The following PKP2 variants were observed in gnomAD, a reference collection of about 807,000 sequenced individuals.
PKP2 encodes the protein plakophilin 2.
PKP2 carries 73 observed loss-of-function variants against 83.4 expected under a neutral mutation model. That is an observed-to-expected ratio of 0.88 (90% CI 0.72 to 1.06). PKP2 has a LOEUF of 1.06. PKP2 is among the 50% of genes least tolerant of loss of function. The probability of loss-of-function intolerance (pLI) is 0.00; values close to 1 mark genes in which losing one functional copy is unlikely to be tolerated. For synonymous variants in PKP2, 409 were observed against 430.4 expected (o/e 0.95, Z 0.62); for missense variants, 966 against 1,065.4 (o/e 0.91, Z 1.30).
intron 1 of PKP2, among the ~76,000 whole-genome samples, chr12:32,890,884 C>T (rs754610487): frequency 6.7e-6 from 1 of 148,514 alleles, no homozygotes; most frequent in East Asian, 2.0e-4. Flanking sequence ...CGCTTGAACT[C>T]GGGAGGCAGA....
chr12:32,854,233 T>C (rs1956725832), intron 4 of PKP2, among the ~76,000 whole-genome samples: 1 of 152,216 alleles, frequency 6.6e-6, no homozygotes, highest in South Asian at 2.1e-4. Flanking sequence ...AGCTCAGACC[T>C]GCTCCCTTAC....
chr12:32,799,715 T>C (rs1362084099), intron 10 of PKP2, among the ~76,000 whole-genome samples: 2 of 152,174 alleles, frequency 1.3e-5, no homozygotes, highest in African/African-American at 2.4e-5. Flanking sequence ...TTCTCACTTA[T>C]AAGTGAGAGC....
At chr12:32,863,418 G>C in intron 4 of PKP2, 1 of 239,294 alleles carries the variant, frequency 4.2e-6, no homozygotes, top group Non-Finnish European at 8.7e-6. Flanking sequence ...GAGTGATGCT[G>C]TACCCCTCAA....
chr12:32,852,430 T>G (rs1956707990), intron 4 of PKP2, among the ~76,000 whole-genome samples: 1 of 152,090 alleles, frequency 6.6e-6, no homozygotes, highest in Non-Finnish European at 1.5e-5. Flanking sequence ...GAGAAAAGAC[T>G]AGAAAGGCGG....
chr12:32,803,253 G>A (rs554694786), intron 9 of PKP2, among the ~76,000 whole-genome samples: 162 of 151,998 alleles, frequency 1.1e-3, no homozygotes, highest in Non-Finnish European at 1.7e-3. Context: ...CGTGCCTGTA[G>A]TCCCAGCTAC....
rs1369346491 is a variant in PKP2, at chr12:32,870,528, T to C, written c.1035-1466A>G. Among the ~76,000 whole-genome samples, 3 of 151,728 alleles carry C rather than the reference T, an allele frequency of 2.0e-5. No individual in the cohort carries two copies. The East Asian group carries it at 5.8e-4, about 29-fold the overall frequency. ...TCAATTATAATTAGTAAAAAAAAAA[T>C]GCAGGCTATTACCACTAAAACTAGA... On this transcript the variant is annotated intron_variant, in intron 3 of 12. Coordinates refer to ENST00000340811, the MANE Select transcript of PKP2 (RefSeq NM_001005242.3).
intron 4 of PKP2, among the ~76,000 whole-genome samples, chr12:32,855,784 A>AAAAAAAAAAAAAAAAAAAAAAAAAAAG: frequency 6.6e-6 from 1 of 150,868 alleles, no homozygotes; most frequent in African/African-American, 2.4e-5. Context: ...AAAAAAAAAA[A>AAAAAAAAAAAAAAAAAAAAAAAAAAAG]AAAAAAAAAA....
intron 9 of PKP2, among the ~76,000 whole-genome samples, chr12:32,807,931 C>T (rs902793913): frequency 3.9e-5 from 6 of 152,132 alleles, no homozygotes; most frequent in Non-Finnish European, 8.8e-5. Context: ...TTGTAGGTGA[C>T]CTGGCCTTTC....
At chr12:32,849,557 C>T (rs1163046815) in intron 5 of PKP2, among the ~76,000 whole-genome samples, 1 of 152,162 alleles carries the variant, frequency 6.6e-6, no homozygotes, top group Non-Finnish European at 1.5e-5. Context: ...GGAACACAAG[C>T]GGAGAGCTGA....
rs539089851 is a variant in PKP2, at chr12:32,867,152, C to A, written c.1170+1775G>T. Among the ~76,000 whole-genome samples the A allele has an allele frequency of 2.6e-5, 4 of 152,154 alleles. No homozygotes were observed. The East Asian group carries it at 7.7e-4, about 29-fold the overall frequency. ...GACCAGCCTGGGTAACATAGTGAGA[C>A]CCCCATCTCTACAAAAAATACAAAA... On this transcript the variant is annotated intron_variant, in intron 4 of 12. Coordinates refer to ENST00000340811, the MANE Select transcript of PKP2 (RefSeq NM_001005242.3).
intron 10 of PKP2, among the ~76,000 whole-genome samples, chr12:32,796,575 A>G (rs1484409906): frequency 6.6e-6 from 1 of 150,872 alleles, no homozygotes; most frequent in South Asian, 2.1e-4. Flanking sequence ...ATTTTTTTTT[A>G]TTTTCAGTAG....
intron 6 of PKP2, among the ~76,000 whole-genome samples, chr12:32,830,502 C>A (rs138339993): frequency 6.6e-6 from 1 of 152,214 alleles, no homozygotes; most frequent in African/African-American, 2.4e-5. Flanking sequence ...CTACAACCTA[C>A]ACATCTTGGT....
rs1956063647 is a variant in PKP2, at chr12:32,791,323, A to G, written c.*1101T>C. ...TGACTTCTTCACTTTTCTTCTCTAG[A>G]GTTTTCTTGAGTTAAAATAATGGCT... On this transcript the variant is annotated 3_prime_UTR_variant, in exon 13 of 13. Transcript: ENST00000340811. 1 of 152,080 alleles carries G rather than the reference A, an allele frequency of 6.6e-6. No homozygotes were observed. The highest frequency in any genetic ancestry group is 1.5e-5 in the Non-Finnish European group (1 of 68,022). 9.4% of individuals were successfully genotyped at this position (152,080 alleles called of 1,614,324 possible).
Position 32,877,895 on chromosome 12 carries a change from T to A in PKP2, c.985A>T (p.Ser329Cys), listed in dbSNP as rs779173447. 45 of 1,614,152 alleles carry A rather than the reference T, an allele frequency of 2.8e-5. No homozygotes were observed. Among genetic ancestry groups the A allele is most frequent in the Non-Finnish European group, 3.2e-5 (38 of 1,180,008 alleles). The stretch of plus-strand genomic sequence containing the variant: ...CTTCTCTCAGTGAGCAGATTCCCAC[T>A]TCCCCCTGCGGCCGCCTGGCCGACA... The part of the protein sequence containing the change: ...LTVGQAAAGG[S>C]GNLLTERSTF... The change falls in exon 3 of 13, where the codon AGT (serine) becomes TGT (cysteine). Residue 329 changes from serine (S) to cysteine (C), a missense_variant. By Grantham distance (112) the Ser-to-Cys change is moderately radical. Transcript: ENST00000340811.
At chr12:32,828,545 G>GT (rs1956464841) in intron 6 of PKP2, among the ~76,000 whole-genome samples, 1 of 152,124 alleles carries the variant, frequency 6.6e-6, no homozygotes, top group African/African-American at 2.4e-5. Flanking sequence ...TGAAATTAGG[G>GT]TACCCTAGAA....
intron 5 of PKP2, among the ~76,000 whole-genome samples, chr12:32,849,698 T>C (rs778047210): frequency 4.6e-5 from 7 of 152,250 alleles, no homozygotes; most frequent in Non-Finnish European, 7.3e-5. Flanking sequence ...AACACTGCTG[T>C]TTTAATTCTA....
At chr12:32,804,924 G>GAA (rs1024893498) in intron 9 of PKP2, among the ~76,000 whole-genome samples, 1 of 152,158 alleles carries the variant, frequency 6.6e-6, no homozygotes, top group Non-Finnish European at 1.5e-5. Flanking sequence ...ACCAATGGTG[G>GAA]AAAAGCATTC....
rs1424035271 is a variant in PKP2, at chr12:32,843,306, T to A, written c.1379-2101A>T. 1 of 1,364,780 alleles carries A rather than the reference T, an allele frequency of 7.3e-7. No individual in the cohort carries two copies. Among genetic ancestry groups the A allele is most frequent in the African/African-American group, 1.5e-5 (1 of 67,746 alleles). The allele number at this position is 1,364,780 out of a possible 1,614,324, so 84.5% of individuals were successfully genotyped here. ...AGCCATTCCTACTTCTTAAATTGAC[T>A]GTATGGTCTGTACAAAGGAAAGAGG... On this transcript the variant is annotated intron_variant, in intron 5 of 12. Transcript: ENST00000340811.
At chr12:32,867,008 C>G (rs1956855623) in intron 4 of PKP2, among the ~76,000 whole-genome samples, 1 of 152,010 alleles carries the variant, frequency 6.6e-6, no homozygotes, top group African/African-American at 2.4e-5. Flanking sequence ...ATATAAAATT[C>G]GAGAAAATTC....
Sources: gnomAD v4.1 joint callset for allele counts (sites outside exome capture counted in the v4.1 genomes callset) on GRCh38, gnomAD v4.1.1 for gene constraint, MANE v1.5 for transcripts, NCBI Gene and HGNC (gene_info 2026-07-23, HGNC 2026-07-21) for gene names.